The following SYDE2 variants were observed in gnomAD, a reference collection of about 807,000 sequenced individuals.
The protein encoded by SYDE2 is rho GTPase-activating protein SYDE2.
In SYDE2, 76 loss-of-function variants were observed where a neutral mutation model predicts 91.5. The ratio of observed to expected loss-of-function variants is 0.83; its 90% CI spans 0.69 to 1.01. The LOEUF is 1.01. SYDE2 is among the 50% of genes least tolerant of loss of function. The pLI, the probability that SYDE2 is intolerant of heterozygous loss-of-function variation, is 0.00. For missense variants in SYDE2, 1,364 were observed against 1,367.7 expected, an observed-to-expected ratio of 1.00 and a Z score of 0.04; for synonymous variants, 513 against 506.4, an observed-to-expected ratio of 1.01 and a Z score of -0.18.
intron 4 of SYDE2, among the ~76,000 whole-genome samples, chr1:85,171,367 G>A (rs1232548779): frequency 1.3e-5 from 2 of 152,232 alleles, no homozygotes; most frequent in East Asian, 3.9e-4. Context: ...AGGAAGAATG[G>A]CAAAAGATGT....
At position 85,160,046 on chromosome 1, in the gene SYDE2, G is replaced by C. The variant is rs933424853; in HGVS notation, c.3086-797C>G. ...AAACCAAGGTTTACTCTTGTGTGTTGAACAAAATATTTAAGGCTATTCTGT... is the reference window on the plus strand; with the variant it reads ...AAACCAAGGTTTACTCTTGTGTGTTCAACAAAATATTTAAGGCTATTCTGT... On this transcript the variant is annotated intron_variant, in intron 6 of 6. Transcript: ENST00000341460. The C allele has an allele frequency of 2.4e-5, 24 of 984,230 alleles. No homozygotes were observed. In the South Asian group the frequency reaches 8.0e-4, roughly 33 times the overall value. 61.0% of individuals were successfully genotyped at this position (984,230 alleles called of 1,614,324 possible).
chr1:85,155,018 AAAAAAAAGAAAAGAAAAAG>A (rs1168196500), downstream of SYDE2, among the ~76,000 whole-genome samples: 1 of 150,338 alleles, frequency 6.7e-6, no homozygotes, highest in Non-Finnish European at 1.5e-5. Flanking sequence ...GCAAAAAAAA[AAAAAAAAGAAAAGAAAAAG>A]AAAAAAGAAA....
intron 2 of SYDE2, among the ~76,000 whole-genome samples, chr1:85,185,257 A>G (rs1376121951): frequency 6.8e-6 from 1 of 147,864 alleles, no homozygotes; most frequent in Non-Finnish European, 1.5e-5. Flanking sequence ...AATTATAAAT[A>G]TATTTTAATT....
intron 2 of SYDE2, among the ~76,000 whole-genome samples, 190 bp downstream of exon 2, chr1:85,189,867 G>A (rs928226113): frequency 6.6e-6 from 1 of 152,128 alleles, no homozygotes; most frequent in African/African-American, 2.4e-5. Context: ...GTCTGTGATA[G>A]TAATAATTAA....
In SYDE2 at chr1:85,200,863, C is replaced by CG; in HGVS notation, c.133dup (p.Arg45ProfsTer189). ...TCCGCCGCCTCCCCGCTCCCCGTCC[C>CG]GGGGGCAGGCTCGGCGGTACGCGGC... On this transcript the variant is annotated frameshift_variant, in exon 1 of 7. Coordinates refer to ENST00000341460, the MANE Select transcript of SYDE2 (RefSeq NM_032184.2). LOFTEE classifies it high-confidence loss of function. The CG allele has an allele frequency of 2.2e-6, 3 of 1,368,066 alleles. No individual in the cohort carries two copies. Among genetic ancestry groups the CG allele is most frequent in the Non-Finnish European group, 2.8e-6 (3 of 1,071,056 alleles). 84.7% of individuals were successfully genotyped at this position (1,368,066 alleles called of 1,614,324 possible). A position where few individuals can be genotyped will look rare whatever the true frequency, so the allele number is the denominator to read the frequency against.
intron 4 of SYDE2, among the ~76,000 whole-genome samples, chr1:85,176,910 C>T (rs1031879047): frequency 5.3e-5 from 8 of 152,048 alleles, no homozygotes; most frequent in African/African-American, 1.2e-4. Context: ...AAAATTAAAA[C>T]GACAAAAACA....
At chr1:85,160,129 T>G in intron 6 of SYDE2, 1 of 985,082 alleles carries the variant, frequency 1.0e-6, no homozygotes, top group Middle Eastern at 5.2e-4. Context: ...ACCCATAATA[T>G]CTTTCTCTTT....
chr1:85,170,150 G>A (rs866964146), intron 4 of SYDE2, among the ~76,000 whole-genome samples: 6 of 135,454 alleles, frequency 4.4e-5, no homozygotes, highest in South Asian at 2.3e-4. Flanking sequence ...ACAGGGTCTC[G>A]CTCCATCACC....
chr1:85,160,660 C>T (rs906230036), intron 6 of SYDE2: 1 of 985,316 alleles, frequency 1.0e-6, no homozygotes, highest in African/African-American at 1.7e-5. Context: ...TTGCTTTTCC[C>T]CCCTCATTCT....
chr1:85,190,231 G>A lies in SYDE2; in HGVS notation c.1267C>T (p.Leu423=), dbSNP rs1272056957. ...MKAERHTEDS[L]CSSEHAGDIQ... ...TCACCTGCATGTTCGGAAGAGCACA[G>A]TGAGTCTTCAGTATGCCGCTCTGCT... The change falls in exon 2 of 7, where the codon CTG becomes TTG. Residue 423 remains leucine (L), a synonymous_variant. Transcript: ENST00000341460. 4 of 1,613,940 alleles carry A rather than the reference G, an allele frequency of 2.5e-6. No homozygotes were observed. Among genetic ancestry groups the A allele is most frequent in the Non-Finnish European group, 3.4e-6 (4 of 1,179,874 alleles).
chr1:85,155,594 A>G (rs939475664), downstream of SYDE2, among the ~76,000 whole-genome samples: 6 of 152,340 alleles, frequency 3.9e-5, no homozygotes, highest in Admixed American at 2.0e-4. Flanking sequence ...GATTTGGGGA[A>G]GTTGACGACT....
At chr1:85,170,023 A>C (rs190805596) in intron 4 of SYDE2, among the ~76,000 whole-genome samples, 8 of 152,254 alleles carry the variant, frequency 5.3e-5, no homozygotes, top group Non-Finnish European at 4.4e-5. Context: ...CCTAACACCA[A>C]AACCTAAATA....
chr1:85,182,372 C>T lies in SYDE2; in HGVS notation c.2270G>A (p.Arg757Gln), dbSNP rs371376363. 2.7e-5 allele frequency: 43 copies of T among 1,613,688 alleles called. No homozygotes were observed. The highest frequency in any genetic ancestry group is 3.3e-5 in the Admixed American group (2 of 59,988). Residue 757 changes from arginine (R) to glutamine (Q), a missense_variant, in exon 3 of 7, where the codon CGA (arginine) becomes CAA (glutamine). Arg to Gln is a conservative substitution (Grantham distance 43). Transcript: ENST00000341460. ...FSWEPTPRKN[R>Q]VCCHGTVVLP... Reference sequence around the variant, plus strand: ...AACAACAGTTCCATGACAACAAACTCGATTTTTTCTTGGAGTGGGTTCCCA... The same window carrying T: ...AACAACAGTTCCATGACAACAAACTTGATTTTTTCTTGGAGTGGGTTCCCA...
At chr1:85,191,548 A>C (rs764787455) in intron 1 of SYDE2, among the ~76,000 whole-genome samples, 1 of 152,158 alleles carries the variant, frequency 6.6e-6, no homozygotes, top group Non-Finnish European at 1.5e-5. Flanking sequence ...TCACGAGGTC[A>C]GGAGTTTGAG....
rs747958765 is a variant in SYDE2, at chr1:85,183,166, T to G, written c.1476A>C (p.Glu492Asp). 6.3e-7 allele frequency: 1 copy of G among 1,591,016 alleles called. No homozygotes were observed. Among genetic ancestry groups the G allele is most frequent in the East Asian group, 2.2e-5 (1 of 44,732 alleles). Residue 492 changes from glutamate to aspartate, a missense_variant, in exon 3 of 7, where the codon GAA (glutamate) becomes GAC (aspartate). By Grantham distance (45) the Glu-to-Asp change is conservative. Transcript: ENST00000341460. The part of the protein sequence containing the change: ...SGILAATNST[E>D]LGIMEPSSPN... ...GAGAAGATGGTTCCATAATTCCCAA[T>G]TCAGTACTATTTGTAGCAGCCAGGA...
At chr1:85,163,554 T>TTTA (rs1657155491) in intron 6 of SYDE2, among the ~76,000 whole-genome samples, 1 of 149,714 alleles carries the variant, frequency 6.7e-6, no homozygotes, top group Admixed American at 6.7e-5. Context: ...CCTTAGATGC[T>TTTA]TTATCTCAAT....
chr1:85,158,621 A>C lies in SYDE2; in HGVS notation c.*129T>G, dbSNP rs141141629. The C allele has an allele frequency of 0.013, 7,527 of 558,678 alleles. 86 individuals are homozygous for C. Among genetic ancestry groups the C allele is most frequent in the Non-Finnish European group, 0.019 (6,066 of 316,894 alleles). The allele number at this position is 558,678 out of a possible 1,614,324, so 34.6% of individuals were successfully genotyped here. On this transcript the variant is annotated 3_prime_UTR_variant, in exon 7 of 7. Transcript: ENST00000341460. ...TGAATAGTGTTTTTAATTGAATCAG[A>C]TAAACTTATTAAAAATTAATTAAAG... is the stretch of plus-strand genomic sequence containing the variant.
intron 3 of SYDE2, among the ~76,000 whole-genome samples, chr1:85,179,331 G>A (rs1015728046): frequency 6.6e-6 from 1 of 152,008 alleles, no homozygotes; most frequent in Admixed American, 6.6e-5. Context: ...AATTTCCAGG[G>A]TTACTTATGA....
At chr1:85,163,445 C>CTATCTATCTATA (rs1174209275) in intron 6 of SYDE2, among the ~76,000 whole-genome samples, 3 of 87,630 alleles carry the variant, frequency 3.4e-5, no homozygotes, top group Non-Finnish European at 4.7e-5. Context: ...GTACTTTAAT[C>CTATCTATCTATA]TATATATATA....
Sources: gnomAD v4.1 joint callset for allele counts (sites outside exome capture counted in the v4.1 genomes callset) on GRCh38, gnomAD v4.1.1 for gene constraint, MANE v1.5 for transcripts, NCBI Gene and HGNC (gene_info 2026-07-23, HGNC 2026-07-21) for gene names.